Variants in CA10 observed in about 807,000 individuals in gnomAD.
CA10 encodes the protein carbonic anhydrase-related protein 10.
A neutral mutation model predicts 44.2 loss-of-function variants in CA10; 14 were observed. That is an observed-to-expected ratio of 0.32 (90% CI 0.21 to 0.50). The LOEUF is 0.50. CA10 is among the 20% of genes least tolerant of loss of function. CA10 has a pLI of 0.99. For missense variants in CA10, 350 were observed against 409.7 expected (o/e 0.85, Z 1.26); for synonymous variants, 159 against 141.6 (o/e 1.12, Z -0.87).
At chr17:51,963,138 T>C (rs1417029076) in intron 2 of CA10, among the ~76,000 whole-genome samples, 1 of 152,110 alleles carries the variant, frequency 6.6e-6, no homozygotes, top group Non-Finnish European at 1.5e-5. Flanking sequence ...GCTTTAACAA[T>C]AGACTGGACT....
At position 51,888,865 on chromosome 17, in the gene CA10, A is replaced by G. The variant is rs548322296; in HGVS notation, c.279+42125T>C. Among the ~76,000 whole-genome samples, 14 of 152,302 alleles carry G rather than the reference A, an allele frequency of 9.2e-5. No individual in the cohort carries two copies. The East Asian group carries it at 2.7e-3, about 29-fold the overall frequency. ...ATTTATTATTATAACTCATGGTTCCATGGATTGACTGGGATCAGCTGGGTG... is the reference window on the plus strand; with the variant it reads ...ATTTATTATTATAACTCATGGTTCCGTGGATTGACTGGGATCAGCTGGGTG... On this transcript the variant is annotated intron_variant, in intron 3 of 8. Coordinates refer to ENST00000451037, the MANE Select transcript of CA10 (RefSeq NM_020178.5).
intron 1 of CA10, among the ~76,000 whole-genome samples, chr17:52,076,440 T>C (rs896833840): frequency 1.1e-4 from 17 of 152,208 alleles, no homozygotes; most frequent in East Asian, 3.9e-4. Context: ...AAGCCTATTG[T>C]AATAGTAGAA....
intron 3 of CA10, among the ~76,000 whole-genome samples, chr17:51,798,948 T>C (rs563953260): frequency 1.5e-4 from 23 of 152,298 alleles, no homozygotes; most frequent in East Asian, 1.9e-4. Context: ...ACAGGATACA[T>C]TGCAGTGAAC....
chr17:51,870,790 G>A lies in CA10; in HGVS notation c.279+60200C>T, dbSNP rs181781375. ...ATCTCACTGGTGAACACTTCTTGTG[G>A]GGAACATGTGTATCCCTAGAAAGGA... is the stretch of plus-strand genomic sequence containing the variant. On this transcript the variant is annotated intron_variant, in intron 3 of 8. Coordinates refer to ENST00000451037, the MANE Select transcript of CA10 (RefSeq NM_020178.5). Among the ~76,000 whole-genome samples, 148 of 152,254 alleles carry A rather than the reference G, an allele frequency of 9.7e-4. 1 individual carries two copies. The highest frequency in any genetic ancestry group is 3.5e-3 in the African/African-American group (144 of 41,544).
At chr17:51,729,982 C>A (rs1456359957) in intron 4 of CA10, among the ~76,000 whole-genome samples, 1 of 152,172 alleles carries the variant, frequency 6.6e-6, no homozygotes, top group Non-Finnish European at 1.5e-5. Context: ...TAAACTGAGG[C>A]AGGGAGTGGT....
chr17:52,013,394 A>C (rs1269551681), intron 2 of CA10, among the ~76,000 whole-genome samples: 1 of 151,926 alleles, frequency 6.6e-6, no homozygotes. Context: ...AAGAAAAATC[A>C]GATTTAAAAA....
chr17:52,049,705 T>A (rs941376268), intron 2 of CA10, among the ~76,000 whole-genome samples: 3 of 152,148 alleles, frequency 2.0e-5, no homozygotes, highest in African/African-American at 7.2e-5. Flanking sequence ...GTATGTCCCC[T>A]CAGACTTCTC....
At chr17:52,094,057 C>T (rs1470035882) in intron 1 of CA10, among the ~76,000 whole-genome samples, 2 of 152,070 alleles carry the variant, frequency 1.3e-5, no homozygotes, top group African/African-American at 4.8e-5. Flanking sequence ...GAAAACCAAA[C>T]ACCGCATGTT....
At chr17:52,151,825 C>T (rs769284965) in intron 1 of CA10, among the ~76,000 whole-genome samples, 4 of 152,022 alleles carry the variant, frequency 2.6e-5, no homozygotes, top group Non-Finnish European at 5.9e-5. Flanking sequence ...AGTTAAGGCA[C>T]ACAGAACTTA....
chr17:52,145,634 T>A (rs762945688), intron 1 of CA10, among the ~76,000 whole-genome samples: 1 of 152,222 alleles, frequency 6.6e-6, no homozygotes, highest in East Asian at 1.9e-4. Flanking sequence ...CAGTTTCCTG[T>A]CTCTGATCTA....
At chr17:51,804,546 C>G (rs1004750627) in intron 3 of CA10, among the ~76,000 whole-genome samples, 14 of 152,164 alleles carry the variant, frequency 9.2e-5, no homozygotes, top group African/African-American at 3.4e-4. Flanking sequence ...TTGTTTTCCC[C>G]TTATTGAAAT....
At chr17:52,011,000 C>T (rs1397088368) in intron 2 of CA10, among the ~76,000 whole-genome samples, 7 of 63,414 alleles carry the variant, frequency 1.1e-4, no homozygotes, top group Admixed American at 8.0e-4. Flanking sequence ...TTGGCGGGGG[C>T]GGGGGAGGGG....
chr17:52,056,156 C>G lies in CA10; in HGVS notation c.136+16163G>C, dbSNP rs570300789. ...AGGCACAGCGGGCTGCAAAGGAACC[C>G]TCAAATCTATAAATATGCACTCTTC... is the stretch of plus-strand genomic sequence containing the variant. On this transcript the variant is annotated intron_variant, in intron 2 of 8. Transcript: ENST00000451037. Among the ~76,000 whole-genome samples the G allele has an allele frequency of 3.9e-4, 60 of 152,026 alleles. 1 individual carries two copies. The highest frequency in any genetic ancestry group is 1.4e-3 in the African/African-American group (57 of 41,474).
intron 2 of CA10, among the ~76,000 whole-genome samples, chr17:51,966,905 A>C (rs1488046485): frequency 6.6e-6 from 1 of 151,854 alleles, no homozygotes; most frequent in Non-Finnish European, 1.5e-5. Flanking sequence ...AGCGAAAGAA[A>C]CTATCAACAG....
intron 3 of CA10, among the ~76,000 whole-genome samples, chr17:51,840,121 A>G (rs962492337): frequency 6.6e-6 from 1 of 152,222 alleles, no homozygotes; most frequent in African/African-American, 2.4e-5. Context: ...TAATCATGTT[A>G]CGCCTCAGGA....
intron 2 of CA10, among the ~76,000 whole-genome samples, chr17:52,051,981 A>T (rs1288319007): frequency 1.3e-5 from 2 of 152,096 alleles, no homozygotes; most frequent in East Asian, 3.9e-4. Context: ...CTTTGCAAGG[A>T]CATAAATGGA....
chr17:51,908,770 G>A (rs930692598), intron 3 of CA10, among the ~76,000 whole-genome samples: 3 of 152,110 alleles, frequency 2.0e-5, no homozygotes, highest in Non-Finnish European at 2.9e-5. Flanking sequence ...GACTCCTGTC[G>A]CATTCACTGG....
chr17:52,031,155 C>CTTT (rs71149390), intron 2 of CA10, among the ~76,000 whole-genome samples: 3 of 143,224 alleles, frequency 2.1e-5, no homozygotes, highest in Admixed American at 7.0e-5. Context: ...GACTTCAACT[C>CTTT]TTTTTTTTTT....
chr17:52,041,265 C>T (rs187007392), intron 2 of CA10, among the ~76,000 whole-genome samples: 1 of 152,148 alleles, frequency 6.6e-6, no homozygotes, highest in African/African-American at 2.4e-5. Context: ...AAAAGATAAC[C>T]TGTGCCCAGG....
Sources: allele counts gnomAD v4.1 joint callset (sites outside exome capture counted in the v4.1 genomes callset), GRCh38; gene constraint gnomAD v4.1.1; transcripts MANE v1.5; gene names NCBI Gene and HGNC (gene_info 2026-07-23, HGNC 2026-07-21).